The following FGF12 variants were observed in gnomAD, a reference collection of about 807,000 sequenced individuals.
FGF12 encodes fibroblast growth factor 12B.
In FGF12, 14 loss-of-function variants were observed where a neutral mutation model predicts 23.6. The ratio of observed to expected loss-of-function variants is 0.59; its 90% CI spans 0.39 to 0.93. The LOEUF (loss-of-function observed/expected upper bound fraction) is 0.93, where lower values mean the gene tolerates loss of function less well. Among genes scored for constraint, FGF12 ranks in the 40% least tolerant of loss-of-function variants. FGF12 has a pLI of 0.00. For synonymous variants in FGF12, 62 were observed against 77.3 expected, an observed-to-expected ratio of 0.80 and a Z score of 1.04; for missense variants, 175 against 217.8, an observed-to-expected ratio of 0.80 and a Z score of 1.24.
chr3:192,685,779 T>C (rs988780850), intron 2 of FGF12, among the ~76,000 whole-genome samples: 1 of 152,228 alleles, frequency 6.6e-6, no homozygotes, highest in South Asian at 2.1e-4. Context: ...CTATTATATA[T>C]AAGGACTGTG....
chr3:192,435,824 T>C (rs1000357345), intron 2 of FGF12, among the ~76,000 whole-genome samples: 1 of 152,232 alleles, frequency 6.6e-6, no homozygotes, highest in East Asian at 1.9e-4. Context: ...TGCAGAGTAA[T>C]TTTCAATGTG....
At chr3:192,328,270 A>G (rs1471482630) in intron 4 of FGF12, among the ~76,000 whole-genome samples, 1 of 152,206 alleles carries the variant, frequency 6.6e-6, no homozygotes, top group Non-Finnish European at 1.5e-5. Flanking sequence ...GGCTAAATAG[A>G]GAATAACACT....
intron 2 of FGF12, among the ~76,000 whole-genome samples, chr3:192,423,816 G>C (rs112244777): frequency 6.6e-6 from 1 of 152,052 alleles, no homozygotes; most frequent in Non-Finnish European, 1.5e-5. Context: ...AAAGCTAGTA[G>C]GTACAAAATG....
chr3:192,197,670 T>A (rs1717140360), intron 4 of FGF12, among the ~76,000 whole-genome samples: 1 of 151,902 alleles, frequency 6.6e-6, no homozygotes, highest in African/African-American at 2.4e-5. Context: ...GGGGGCCGGA[T>A]GTGGTGGCTC....
intron 2 of FGF12, among the ~76,000 whole-genome samples, chr3:192,630,919 C>T (rs1715368857): frequency 6.6e-6 from 1 of 151,952 alleles, no homozygotes; most frequent in Non-Finnish European, 1.5e-5. Flanking sequence ...CTTCTTCACT[C>T]TTCTTCCCCC....
At chr3:192,670,284 C>T (rs1010598450) in intron 2 of FGF12, among the ~76,000 whole-genome samples, 10 of 151,774 alleles carry the variant, frequency 6.6e-5, no homozygotes, top group African/African-American at 2.4e-4. Context: ...AAATATATTG[C>T]TTATAGTAGC....
At chr3:192,699,030 A>G (rs1718215125) in intron 2 of FGF12, among the ~76,000 whole-genome samples, 1 of 152,208 alleles carries the variant, frequency 6.6e-6, no homozygotes, top group African/African-American at 2.4e-5. Context: ...CTTTCTGTAT[A>G]AAGATATGGG....
In FGF12 at chr3:192,274,867, C is replaced by T. The variant is rs372654102; in HGVS notation, c.228+60494G>A. 8.5e-5 allele frequency among the ~76,000 whole-genome samples: 13 copies of T among 152,184 alleles called. No individual in the cohort carries two copies. In the South Asian group the frequency reaches 1.0e-3, roughly 12 times the overall value. ...AAGGCTTCACATTTTCTTTATCCAA[C>T]GATGCCATCAGTACAAAGTCCATGG... On this transcript the variant is annotated intron_variant, in intron 4 of 5. Transcript: ENST00000445105.
chr3:192,519,652 C>T (rs2108845111), intron 2 of FGF12, among the ~76,000 whole-genome samples: 1 of 152,304 alleles, frequency 6.6e-6, no homozygotes, highest in South Asian at 2.1e-4. Context: ...ATTGACAGAT[C>T]TTGCTTGCAA....
intron 2 of FGF12, among the ~76,000 whole-genome samples, chr3:192,424,714 T>A (rs1297197365): frequency 6.6e-6 from 1 of 151,978 alleles, no homozygotes; most frequent in Non-Finnish European, 1.5e-5. Flanking sequence ...AGGAGGAGAG[T>A]CTATAAACAA....
intron 2 of FGF12, among the ~76,000 whole-genome samples, chr3:192,655,900 AGAGC>A (rs1026300267): frequency 6.6e-6 from 1 of 152,092 alleles, no homozygotes; most frequent in Non-Finnish European, 1.5e-5. Flanking sequence ...TGAGGATTTT[AGAGC>A]GAAAGGTCAG....
At chr3:192,158,467 GCT>G (rs1481696192) in intron 5 of FGF12, among the ~76,000 whole-genome samples, 14 of 105,934 alleles carry the variant, frequency 1.3e-4, no homozygotes, top group African/African-American at 2.8e-4. Context: ...TTGCTTTCTT[GCT>G]CTTTGTCTCT....
intron 2 of FGF12, among the ~76,000 whole-genome samples, chr3:192,548,744 T>C (rs945895835): frequency 9.9e-5 from 15 of 152,152 alleles, no homozygotes; most frequent in African/African-American, 3.6e-4. Flanking sequence ...TACCCAGTTG[T>C]AGTGTTATAT....
intron 2 of FGF12, among the ~76,000 whole-genome samples, chr3:192,448,361 A>T (rs1722423933): frequency 6.6e-6 from 1 of 152,238 alleles, no homozygotes; most frequent in Non-Finnish European, 1.5e-5. Flanking sequence ...GAGCTAGACA[A>T]CCAACTCTAA....
chr3:192,597,702 A>G (rs1713922363), intron 2 of FGF12, among the ~76,000 whole-genome samples: 4 of 152,262 alleles, frequency 2.6e-5, no homozygotes, highest in Non-Finnish European at 5.9e-5. Context: ...CATTCCAGAC[A>G]CAGGCAGATT....
intron 2 of FGF12, among the ~76,000 whole-genome samples, chr3:192,589,512 A>G (rs1355014499): frequency 6.6e-6 from 1 of 151,908 alleles, no homozygotes; most frequent in Non-Finnish European, 1.5e-5. Flanking sequence ...GAGGAAAAAC[A>G]CTGCCTGCTC....
chr3:192,192,045 T>A (rs538062727), intron 4 of FGF12, among the ~76,000 whole-genome samples: 1 of 152,162 alleles, frequency 6.6e-6, no homozygotes, highest in Non-Finnish European at 1.5e-5. Flanking sequence ...AGTGGTAAAA[T>A]CTGGTGCTCT....
rs2108576388 is a variant in FGF12, at chr3:192,144,064, C to T, written c.491G>A (p.Ser164Asn). ...TCCATTCATGGTTGGTGTTCCAGAA[C>T]TTTTCCTTGAACGCCCTTGTTTTTC... Reference protein sequence around the residue: ...IGEKQGRSRKSSGTPTMNGGK... With the variant: ...IGEKQGRSRKNSGTPTMNGGK... The change falls in exon 6 of 6, where the codon AGT (serine) becomes AAT (asparagine). Residue 164 changes from serine to asparagine, a missense_variant. Physicochemically the swap from Ser to Asn is conservative, Grantham distance 46. Transcript: ENST00000445105. 1 of 1,613,800 alleles carries T rather than the reference C, an allele frequency of 6.2e-7. No homozygotes were observed. Among genetic ancestry groups the T allele is most frequent in the Non-Finnish European group, 8.5e-7 (1 of 1,179,788 alleles).
At chr3:192,516,734 C>T (rs1472818580) in intron 2 of FGF12, 1 of 152,258 alleles carries the variant, frequency 6.6e-6, no homozygotes, top group East Asian at 1.9e-4. Flanking sequence ...TTCTAGTCGC[C>T]TCTTAGTCCT....
Sources: gnomAD v4.1 joint callset for allele counts (sites outside exome capture counted in the v4.1 genomes callset) on GRCh38, gnomAD v4.1.1 for gene constraint, MANE v1.5 for transcripts, NCBI Gene and HGNC (gene_info 2026-07-23, HGNC 2026-07-21) for gene names.